CYREN: variants seen among roughly 807,000 people sequenced by gnomAD.
CYREN encodes cell cycle regulator of non-homologous end joining.
CYREN carries 7 observed loss-of-function variants against 9.7 expected under a neutral mutation model. The ratio of observed to expected loss-of-function variants is 0.72; its 90% CI spans 0.41 to 1.36. The LOEUF is 1.36. CYREN is among the 40% of genes most tolerant of loss of function. The probability of loss-of-function intolerance (pLI) is 0.01; values close to 1 mark genes in which losing one functional copy is unlikely to be tolerated. For synonymous variants in CYREN, 76 were observed against 77.9 expected (o/e 0.98, Z 0.13); for missense variants, 215 against 198.1 (o/e 1.09, Z -0.51).
At chr7:135,161,608 T>A (rs1294029927), downstream of CYREN, among the ~76,000 whole-genome samples, 1 of 152,210 alleles carries the variant, frequency 6.6e-6, no homozygotes, top group Non-Finnish European at 1.5e-5. The surrounding 1 kb of genome is among the most constrained non-coding windows in gnomAD (Gnocchi z 4.1). Context: ...CCGTCGGCAA[T>A]TTTTCCCATA....
chr7:135,120,389 C>T (rs1826975792), intron 2 of CYREN, among the ~76,000 whole-genome samples: 2 of 152,086 alleles, frequency 1.3e-5, no homozygotes, highest in Non-Finnish European at 2.9e-5. Flanking sequence ...TAAGTTAACA[C>T]AACCAATAAA....
At chr7:135,128,803 G>A in intron 2 of CYREN, 1 of 1,195,738 alleles carries the variant, frequency 8.4e-7, no homozygotes, top group East Asian at 2.3e-5. Flanking sequence ...TACAGACCAA[G>A]AGGAAACTGT....
chr7:135,122,544 C>T (rs562893123), intron 2 of CYREN, among the ~76,000 whole-genome samples: 5 of 152,276 alleles, frequency 3.3e-5, no homozygotes, highest in African/African-American at 1.2e-4. Flanking sequence ...CAAAGTGCTT[C>T]GTTAAATGGG....
At chr7:135,131,179 G>T (rs1183288954) in intron 2 of CYREN, among the ~76,000 whole-genome samples, 1 of 152,080 alleles carries the variant, frequency 6.6e-6, no homozygotes, top group Non-Finnish European at 1.5e-5. Context: ...GGATGAAGCT[G>T]GAAGCCATCA....
downstream of CYREN, chr7:135,164,896 T>C: frequency 1.9e-6 from 3 of 1,614,248 alleles, no homozygotes; most frequent in Non-Finnish European, 2.5e-6. Flanking sequence ...CCTGGGTTTC[T>C]AGCTCTGGGC....
intron 2 of CYREN, among the ~76,000 whole-genome samples, chr7:135,144,164 G>C (rs970264318): frequency 6.6e-6 from 1 of 152,166 alleles, no homozygotes; most frequent in Non-Finnish European, 1.5e-5. Flanking sequence ...CTGGATTCCT[G>C]GTCACCTTTT....
exon 3 of CYREN, chr7:135,092,760 T>C (rs542213591): frequency 3.3e-5 from 5 of 151,914 alleles, no homozygotes; most frequent in Admixed American, 6.6e-5. Flanking sequence ...TCTATATCTA[T>C]TAAGAATTAG....
chr7:135,128,291 C>CAAAAAAAAAAAAAAAAAAAAAA (rs61217008), intron 2 of CYREN, among the ~76,000 whole-genome samples: 1 of 58,070 alleles, frequency 1.7e-5, no homozygotes, highest in Non-Finnish European at 2.7e-5. Context: ...GACTCCATCT[C>CAAAAAAAAAAAAAAAAAAAAAA]AAAAAAAAAA....
downstream of CYREN, among the ~76,000 whole-genome samples, chr7:135,163,922 T>C (rs763568911): frequency 1.3e-5 from 2 of 152,218 alleles, no homozygotes; most frequent in Non-Finnish European, 2.9e-5. Context: ...TGAGCTCTGA[T>C]TGATCTGTGG....
At chr7:135,129,501 G>A (rs1562906157) in intron 2 of CYREN, 7 of 772,638 alleles carry the variant, frequency 9.1e-6, no homozygotes, top group Non-Finnish European at 1.7e-5. Flanking sequence ...AACTCCCATA[G>A]AGAAATTAGA....
At chr7:135,113,641 C>T (rs2117166506) in intron 2 of CYREN, among the ~76,000 whole-genome samples, 1 of 152,288 alleles carries the variant, frequency 6.6e-6, no homozygotes, top group East Asian at 1.9e-4. Flanking sequence ...CCACCCACTT[C>T]CCAAGTATGT....
At chr7:135,130,523 G>T (rs558304305) in intron 2 of CYREN, among the ~76,000 whole-genome samples, 4 of 150,062 alleles carry the variant, frequency 2.7e-5, no homozygotes, top group Non-Finnish European at 5.9e-5. Context: ...CCTTCTGTTT[G>T]TAAGGACAGT....
At chr7:135,170,491 G>C (rs1478233209) in intron 1 of CYREN, 161 bp downstream of exon 1, 1 of 152,358 alleles carries the variant, frequency 6.6e-6, no homozygotes, top group African/African-American at 2.4e-5. Context: ...CGCCGGGCAG[G>C]GCTGCAACGG....
chr7:135,131,245 T>G (rs1240228479), intron 2 of CYREN, among the ~76,000 whole-genome samples: 1 of 151,954 alleles, frequency 6.6e-6, no homozygotes, highest in East Asian at 1.9e-4. Flanking sequence ...TTTTCACTCA[T>G]AAGTGGGAGT....
In CYREN at chr7:135,166,431, C is replaced by T; in HGVS notation, c.*180G>A. 1.1e-6 allele frequency: 1 copy of T among 925,000 alleles called. No homozygotes were observed. The highest frequency in any genetic ancestry group is 1.5e-6 in the Non-Finnish European group (1 of 646,498). The allele number at this position is 925,000 out of a possible 1,614,324, so 57.3% of individuals were successfully genotyped here. ...GCCTTCCGCACACTCAGAACGGCAG[C>T]CCCAAGGCCCGGAGTGTCCAGGGGC... On this transcript the variant is annotated 3_prime_UTR_variant, in exon 4 of 4. Transcript: ENST00000393114.
At chr7:135,142,799 A>T (rs368304987) in intron 2 of CYREN, among the ~76,000 whole-genome samples, 2 of 151,254 alleles carry the variant, frequency 1.3e-5, no homozygotes, top group Middle Eastern at 3.4e-3. Context: ...TAAAACTCTG[A>T]TGAAAAAAAA....
chr7:135,128,656 AGGAAGAGACCCTAGTATACCT>A (rs1354872048), intron 2 of CYREN: 5 of 1,028,966 alleles, frequency 4.9e-6, no homozygotes, highest in Non-Finnish European at 4.6e-6. Flanking sequence ...CAATTTCTTA[AGGAAGAGACCCTAGTATACCT>A]GAATATTGTC....
At chr7:135,100,847 T>G (rs1051471444) in intron 2 of CYREN, among the ~76,000 whole-genome samples, 4 of 152,228 alleles carry the variant, frequency 2.6e-5, no homozygotes, top group Non-Finnish European at 5.9e-5. Context: ...CCTTACTAGT[T>G]ATGTGATCTT....
rs1209460740 is a variant in CYREN at position 135,102,695 on chromosome 7, A to G, written n.357-8113T>C. ...TCTCCCATCTCCAGATCATAAAATG[A>G]TCATCTATTTGGCTCTTAAATATTC... On this transcript the variant is annotated intron_variant and non_coding_transcript_variant, in intron 2 of 2. Transcript: ENST00000459937. Among the ~76,000 whole-genome samples, 3 of 151,332 alleles carry G rather than the reference A, an allele frequency of 2.0e-5. No individual in the cohort carries two copies. The South Asian group carries it at 6.3e-4, about 32-fold the overall frequency.
Sources: allele counts gnomAD v4.1 joint callset (sites outside exome capture counted in the v4.1 genomes callset), GRCh38; gene constraint gnomAD v4.1.1; non-coding constraint Gnocchi (gnomAD v3.1); transcripts MANE v1.5; gene names NCBI Gene and HGNC (gene_info 2026-07-23, HGNC 2026-07-21).